Variants in IRAK1BP1 observed in about 807,000 individuals in gnomAD.
The protein encoded by IRAK1BP1 is interleukin-1 receptor-associated kinase 1-binding protein 1.
In IRAK1BP1, 24 loss-of-function variants were observed where a neutral mutation model predicts 28.0. The observed-to-expected ratio is 0.86, with a 90% CI of 0.62 to 1.20. The LOEUF (loss-of-function observed/expected upper bound fraction) is 1.20, where lower values mean the gene tolerates loss of function less well. Among genes scored for constraint, IRAK1BP1 ranks in the 50% most tolerant of loss-of-function variants. The pLI is 0.00. For synonymous variants in IRAK1BP1, 131 were observed against 116.3 expected (o/e 1.13, Z -0.81); for missense variants, 336 against 316.7 (o/e 1.06, Z -0.46).
At chr6:78,896,180 A>G (rs1241706294) in intron 2 of IRAK1BP1, among the ~76,000 whole-genome samples, 1 of 152,148 alleles carries the variant, frequency 6.6e-6, no homozygotes, top group East Asian at 1.9e-4. Flanking sequence ...AATCTATACA[A>G]TCCTAATCAA....
At chr6:78,961,031 G>A in the IRAK1BP1 span, among the ~76,000 whole-genome samples, 1 of 151,976 alleles carries the variant, frequency 6.6e-6, no homozygotes, top group Non-Finnish European at 1.5e-5. Context: ...CTAAAAACAG[G>A]ATTCCATTAT....
downstream of IRAK1BP1, chr6:78,946,535 TA>T: frequency 7.2e-7 from 1 of 1,379,410 alleles, no homozygotes. Context: ...TTTAAGCACT[TA>T]CACTAGTATA....
downstream of IRAK1BP1, among the ~76,000 whole-genome samples, chr6:78,948,503 C>T (rs1348755943): frequency 6.6e-6 from 1 of 151,934 alleles, no homozygotes; most frequent in East Asian, 1.9e-4. Flanking sequence ...TATTGTACCC[C>T]CCCTTTTTGG....
Position 78,900,434 on chromosome 6 carries a change from T to C in IRAK1BP1, c.*2100T>C, listed in dbSNP as rs1369140689. On this transcript the variant is annotated 3_prime_UTR_variant, in exon 4 of 4. Coordinates refer to ENST00000369940, the MANE Select transcript of IRAK1BP1 (RefSeq NM_001010844.4). ...ATATAGTGTCCAGCTTCACCCACTT[T>C]TTAAAGTGGCCCTGAAACAATTTTA... The C allele has an allele frequency of 6.6e-6, 1 of 152,194 alleles. No homozygotes were observed. Among genetic ancestry groups the C allele is most frequent in the African/African-American group, 2.4e-5 (1 of 41,452 alleles). The allele number at this position is 152,194 out of a possible 1,614,324, so 9.4% of individuals were successfully genotyped here.
At chr6:78,978,854 T>C in the IRAK1BP1 span, 1 of 538,658 alleles carries the variant, frequency 1.9e-6, no homozygotes, top group African/African-American at 1.9e-5. Flanking sequence ...TGGCCCTGTG[T>C]ATCCATGGGT....
chr6:78,877,411 T>G (rs780878438), intron 1 of IRAK1BP1, among the ~76,000 whole-genome samples: 11 of 152,182 alleles, frequency 7.2e-5, no homozygotes, highest in African/African-American at 2.2e-4. Context: ...TCAAAATATA[T>G]CAGATATTTT....
chr6:78,903,884 A>G (rs1772188994), downstream of IRAK1BP1, among the ~76,000 whole-genome samples: 1 of 152,208 alleles, frequency 6.6e-6, no homozygotes. Flanking sequence ...TCATATGGAC[A>G]TCAGTTTTAC....
At chr6:78,972,232 G>A in the IRAK1BP1 span, among the ~76,000 whole-genome samples, 1 of 152,182 alleles carries the variant, frequency 6.6e-6, no homozygotes, top group African/African-American at 2.4e-5. Context: ...TGACCCCTGA[G>A]CAGCCTAACT....
At chr6:78,935,569 G>A (rs775349151) in intron 4 of IRAK1BP1, 42 of 966,830 alleles carry the variant, frequency 4.3e-5, no homozygotes, top group African/African-American at 4.1e-4. Context: ...AGTAACTTAC[G>A]GTAAGAAATC....
At chr6:78,932,275 T>C (rs559268714) in intron 4 of IRAK1BP1, among the ~76,000 whole-genome samples, 1 of 152,274 alleles carries the variant, frequency 6.6e-6, no homozygotes, top group East Asian at 1.9e-4. Flanking sequence ...AAAGTTGATA[T>C]TTTGATCTCC....
chr6:78,966,918 T>G, the IRAK1BP1 span, among the ~76,000 whole-genome samples: 2 of 152,236 alleles, frequency 1.3e-5, no homozygotes, highest in African/African-American at 4.8e-5. Context: ...TATTAATTAT[T>G]TTTGAACTTC....
chr6:78,895,920 C>T (rs1771866815), intron 2 of IRAK1BP1, among the ~76,000 whole-genome samples: 1 of 152,158 alleles, frequency 6.6e-6, no homozygotes, highest in South Asian at 2.1e-4. Context: ...GTGCAACTAT[C>T]TTAATTCATG....
chr6:78,924,746 A>T (rs980514349), intron 4 of IRAK1BP1, among the ~76,000 whole-genome samples: 1 of 152,238 alleles, frequency 6.6e-6, no homozygotes, highest in African/African-American at 2.4e-5. Flanking sequence ...CATCCCTGGG[A>T]TGCAAGGCTG....
chr6:78,935,518 T>C, intron 4 of IRAK1BP1: 1 of 977,844 alleles, frequency 1.0e-6, no homozygotes, highest in Non-Finnish European at 1.2e-6. Flanking sequence ...ATGTATCTCT[T>C]ACGAAAGTAT....
chr6:78,917,637 A>AT (rs1243637477), intron 4 of IRAK1BP1, among the ~76,000 whole-genome samples: 3 of 150,842 alleles, frequency 2.0e-5, no homozygotes, highest in East Asian at 3.9e-4. Flanking sequence ...AACACTAAAA[A>AT]AAAAAAAAAA....
intron 1 of IRAK1BP1, among the ~76,000 whole-genome samples, chr6:78,877,323 G>A (rs551527451): frequency 6.6e-6 from 1 of 152,240 alleles, no homozygotes; most frequent in East Asian, 1.9e-4. Context: ...CATTGTTTAT[G>A]TTCTGCTTAG....
chr6:78,887,981 A>G (rs531836329), intron 2 of IRAK1BP1, among the ~76,000 whole-genome samples: 2 of 152,044 alleles, frequency 1.3e-5, no homozygotes, highest in East Asian at 3.9e-4. Context: ...TAAATGGATA[A>G]AGAAAATGTG....
intron 1 of IRAK1BP1, among the ~76,000 whole-genome samples, chr6:78,868,985 T>C (rs903578287): frequency 6.6e-6 from 1 of 152,148 alleles, no homozygotes; most frequent in Non-Finnish European, 1.5e-5. Context: ...GAAAAGATAT[T>C]TGAATTGCAT....
chr6:78,978,262 A>G, the IRAK1BP1 span, among the ~76,000 whole-genome samples: 3 of 152,222 alleles, frequency 2.0e-5, no homozygotes, highest in African/African-American at 7.2e-5. Context: ...TTCCTTTAAC[A>G]TGTTATACAT....
Sources: allele counts gnomAD v4.1 joint callset (sites outside exome capture counted in the v4.1 genomes callset), GRCh38; gene constraint gnomAD v4.1.1; transcripts MANE v1.5; gene names NCBI Gene and HGNC (gene_info 2026-07-23, HGNC 2026-07-21).